Variants in GALNTL6 observed in about 807,000 individuals in gnomAD.
The protein encoded by GALNTL6 is polypeptide N-acetylgalactosaminyltransferase like 6.
GALNTL6 carries 46 observed loss-of-function variants against 73.7 expected under a neutral mutation model. That is an observed-to-expected ratio of 0.62 (90% CI 0.49 to 0.80). The LOEUF (loss-of-function observed/expected upper bound fraction) is 0.80, where lower values mean the gene tolerates loss of function less well. Ranked by LOEUF, GALNTL6 falls within the 30% of genes least tolerant of loss-of-function variation. The pLI is 0.00. For missense variants in GALNTL6, 604 were observed against 755.0 expected, an observed-to-expected ratio of 0.80 and a Z score of 2.34; for synonymous variants, 259 against 263.7, an observed-to-expected ratio of 0.98 and a Z score of 0.17.
intron 2 of GALNTL6, among the ~76,000 whole-genome samples, chr4:172,218,706 A>C (rs1314149866): frequency 6.6e-6 from 1 of 152,050 alleles, no homozygotes; most frequent in Non-Finnish European, 1.5e-5. Flanking sequence ...TTCAAACTTT[A>C]TATAGGATGG....
chr4:172,002,048 C>T (rs888556035), intron 2 of GALNTL6, among the ~76,000 whole-genome samples: 1 of 152,056 alleles, frequency 6.6e-6, no homozygotes, highest in Non-Finnish European at 1.5e-5. Flanking sequence ...AAATTACCAC[C>T]CACCACACTC....
At chr4:172,452,568 A>C (rs1236549884) in intron 5 of GALNTL6, among the ~76,000 whole-genome samples, 1 of 152,176 alleles carries the variant, frequency 6.6e-6, no homozygotes, top group Non-Finnish European at 1.5e-5. Flanking sequence ...TTTGTGGATA[A>C]AATCTTTCTC....
chr4:172,537,387 T>G (rs1023884884), intron 5 of GALNTL6, among the ~76,000 whole-genome samples: 1 of 152,116 alleles, frequency 6.6e-6, no homozygotes, highest in South Asian at 2.1e-4. Context: ...TGATAGTGAG[T>G]GAGTTTCACA....
chr4:172,928,163 C>T (rs1384951087), intron 8 of GALNTL6, among the ~76,000 whole-genome samples: 1 of 152,128 alleles, frequency 6.6e-6, no homozygotes, highest in African/African-American at 2.4e-5. Flanking sequence ...TGAGGAGTTC[C>T]AAAAGATACC....
chr4:172,924,159 GTGCGCCTGGC>G (rs1408295811), intron 8 of GALNTL6, among the ~76,000 whole-genome samples: 1 of 152,152 alleles, frequency 6.6e-6, no homozygotes, highest in African/African-American at 2.4e-5. Context: ...AACTCTCAGG[GTGCGCCTGGC>G]CCATTCTCTT....
chr4:172,739,076 C>T (rs1342755486), intron 5 of GALNTL6, among the ~76,000 whole-genome samples: 2 of 152,142 alleles, frequency 1.3e-5, no homozygotes, highest in Non-Finnish European at 2.9e-5. Flanking sequence ...TATAGTGAGG[C>T]ATATCCCACC....
At chr4:172,639,255 T>C (rs955779787) in intron 5 of GALNTL6, among the ~76,000 whole-genome samples, 1 of 152,114 alleles carries the variant, frequency 6.6e-6, no homozygotes, top group African/African-American at 2.4e-5. Context: ...CAACTGGTGA[T>C]CCAAAACTCT....
intron 3 of GALNTL6, among the ~76,000 whole-genome samples, chr4:172,239,821 G>C (rs1737359304): frequency 1.3e-5 from 2 of 152,078 alleles, no homozygotes; most frequent in African/African-American, 4.8e-5. Flanking sequence ...TTTGAGAGGT[G>C]AGTTCTATAA....
chr4:171,999,768 G>A (rs940266732), intron 2 of GALNTL6, among the ~76,000 whole-genome samples: 4 of 144,446 alleles, frequency 2.8e-5, no homozygotes, highest in Non-Finnish European at 3.1e-5. Context: ...TTAAAAAAAA[G>A]TTTAAGTCCT....
At chr4:171,897,367 T>C (rs2110936703) in intron 2 of GALNTL6, among the ~76,000 whole-genome samples, 1 of 152,300 alleles carries the variant, frequency 6.6e-6, no homozygotes, top group Non-Finnish European at 1.5e-5. Flanking sequence ...TGCTAGAATA[T>C]AAATTGTCAA....
At chr4:171,814,332 A>G (rs940006530) in intron 1 of GALNTL6, 80 bp from the exon 2 acceptor site, 34 of 558,666 alleles carry the variant, frequency 6.1e-5, no homozygotes, top group African/African-American at 6.0e-4. Context: ...TCTTTAGTCA[A>G]GTCATTTATT....
intron 5 of GALNTL6, among the ~76,000 whole-genome samples, chr4:172,458,311 C>T (rs1490282455): frequency 1.3e-5 from 2 of 151,344 alleles, no homozygotes; most frequent in African/African-American, 2.4e-5. Context: ...ATTAAAACTA[C>T]TAGAGAAACA....
At chr4:171,860,347 T>C (rs1289759728) in intron 2 of GALNTL6, among the ~76,000 whole-genome samples, 1 of 152,192 alleles carries the variant, frequency 6.6e-6, no homozygotes, top group Non-Finnish European at 1.5e-5. Flanking sequence ...CTCTACCATA[T>C]ACATTGCAGA....
At chr4:172,291,482 A>G (rs969291408) in intron 3 of GALNTL6, among the ~76,000 whole-genome samples, 1 of 152,184 alleles carries the variant, frequency 6.6e-6, no homozygotes, top group Non-Finnish European at 1.5e-5. Flanking sequence ...AATTGTTAGT[A>G]TGATACTAAA....
intron 7 of GALNTL6, among the ~76,000 whole-genome samples, chr4:172,834,902 G>C (rs1313805940): frequency 6.6e-6 from 1 of 152,296 alleles, no homozygotes; most frequent in African/African-American, 2.4e-5. Flanking sequence ...CTGTGTTGAG[G>C]GTGACAGAAA....
rs58953734 is a variant in GALNTL6 at position 172,069,535 on chromosome 4, A to ATGTTATATATAACACATATGTGTG, written c.139-160120_139-160119insGTTATATATAACACATATGTGTGT. On this transcript the variant is annotated intron_variant, in intron 2 of 12. Transcript: ENST00000506823. Reference sequence around the variant, plus strand: ...TATATGTTATATGTATAACACATATATTATATATAACACATATATGTTATA... The same window carrying ATGTTATATATAACACATATGTGTG: ...TATATGTTATATGTATAACACATATATGTTATATATAACACATATGTGTGTTATATATAACACATATATGTTATA... Among the ~76,000 whole-genome samples, 257 of 55,984 alleles carry ATGTTATATATAACACATATGTGTG rather than the reference A, an allele frequency of 4.6e-3. 46 individuals carry two copies. In the East Asian group the frequency reaches 0.058, roughly 13 times the overall value. 36.7% of individuals were successfully genotyped at this position (55,984 alleles called of 152,430 possible). A position where few individuals can be genotyped will look rare whatever the true frequency, so the allele number is the denominator to read the frequency against.
At chr4:172,833,022 C>A (rs73871873) in intron 7 of GALNTL6, among the ~76,000 whole-genome samples, 1 of 150,636 alleles carries the variant, frequency 6.6e-6, no homozygotes, top group African/African-American at 2.5e-5. Flanking sequence ...GTGGGAAGAA[C>A]TGTGATTGGC....
chr4:172,341,176 C>T (rs333413), intron 4 of GALNTL6, among the ~76,000 whole-genome samples: 150,944 of 152,236 alleles, frequency 0.99, 74,847 homozygotes, highest in Middle Eastern at 1. Flanking sequence ...GTTTCATATT[C>T]AAAAATGTAG....
intron 2 of GALNTL6, among the ~76,000 whole-genome samples, chr4:172,189,991 G>A (rs960303057): frequency 5.3e-5 from 8 of 152,078 alleles, no homozygotes; most frequent in Admixed American, 6.6e-5. Flanking sequence ...ATACTGAAAA[G>A]TTGCAAAAGA....
Sources: allele counts gnomAD v4.1 joint callset (sites outside exome capture counted in the v4.1 genomes callset), GRCh38; gene constraint gnomAD v4.1.1; transcripts MANE v1.5; gene names NCBI Gene and HGNC (gene_info 2026-07-23, HGNC 2026-07-21).